RPTOR: variants seen among roughly 807,000 people sequenced by gnomAD.
The protein encoded by RPTOR is regulatory associated protein of MTOR complex 1, also known as regulatory-associated protein of mTOR.
Under a neutral mutation model 169.9 loss-of-function variants are expected in RPTOR, and 21 were observed. That is an observed-to-expected ratio of 0.12 (90% CI 0.09 to 0.18). The LOEUF is 0.18. RPTOR is among the 10% of genes least tolerant of loss of function. The pLI is 1.00. For missense variants in RPTOR, 1,133 were observed against 1,855.9 expected, an observed-to-expected ratio of 0.61 and a Z score of 7.16; for synonymous variants, 732 against 753.2, an observed-to-expected ratio of 0.97 and a Z score of 0.46.
chr17:80,594,558 G>A (rs561416624), intron 1 of RPTOR, among the ~76,000 whole-genome samples: 1 of 152,302 alleles, frequency 6.6e-6, no homozygotes, highest in Non-Finnish European at 1.5e-5. Flanking sequence ...TGAACTGCAC[G>A]GAGCAACGCT....
chr17:80,621,974 C>T (rs747228711), intron 1 of RPTOR, among the ~76,000 whole-genome samples: 11 of 152,220 alleles, frequency 7.2e-5, no homozygotes, highest in Non-Finnish European at 1.2e-4. Context: ...GTCTCAGATT[C>T]GGCCCGTTAA....
At chr17:80,750,676 G>C (rs1450565501) in intron 5 of RPTOR, among the ~76,000 whole-genome samples, 1 of 152,180 alleles carries the variant, frequency 6.6e-6, no homozygotes, top group African/African-American at 2.4e-5. Context: ...AGCAGACCTG[G>C]AAACTAATTT....
Position 80,820,008 on chromosome 17 carries a change from G to T in RPTOR, c.891-2193G>T, listed in dbSNP as rs1159709087. ...GCCTCTCTTCCTGAGGCTTGGGGAC[G>T]GTCCTCTGCCCTCATAGTTTGACTA... On this transcript the variant is annotated intron_variant, in intron 7 of 33. Coordinates refer to ENST00000306801, the MANE Select transcript of RPTOR (RefSeq NM_020761.3). The surrounding 1 kb of genome is among the most constrained non-coding windows in gnomAD (Gnocchi z 4.1). Among the ~76,000 whole-genome samples, 2 of 152,142 alleles carry T rather than the reference G, an allele frequency of 1.3e-5. No individual in the cohort carries two copies. Among genetic ancestry groups the T allele is most frequent in the East Asian group, 3.9e-4 (2 of 5,180 alleles).
At chr17:80,938,357 C>CGAAAG (rs2068980333) in intron 24 of RPTOR, among the ~76,000 whole-genome samples, 3 of 152,240 alleles carry the variant, frequency 2.0e-5, no homozygotes, top group Non-Finnish European at 4.4e-5. Flanking sequence ...GTTCCTCTCC[C>CGAAAG]TTCCCACTCG....
At position 80,949,449 on chromosome 17, in the gene RPTOR, G is replaced by A; in HGVS notation, c.3272G>A (p.Gly1091Asp). ...TTCCTCTCTCCCTCCCCAGACGATG[G>A]TGCCATCAGGGTCTGGAAGAATTTT... ...CSLLLTATDD[G>D]AIRVWKNFAD... Residue 1091 changes from glycine to aspartate, a missense_variant, in exon 28 of 34, where the codon GGT becomes GAT. Gly to Asp is a moderately conservative substitution (Grantham distance 94). Around this residue, in one of 9 missense-constraint regions of RPTOR, gnomAD observed 410 missense variants for 623.7 expected, o/e 0.66. Transcript: ENST00000306801. The A allele has an allele frequency of 6.2e-7, 1 of 1,613,550 alleles. No individual in the cohort carries two copies. Among genetic ancestry groups the A allele is most frequent in the Non-Finnish European group, 8.5e-7 (1 of 1,179,488 alleles).
chr17:80,822,139 C>G (rs1015156620), intron 7 of RPTOR, 62 bp from the exon 8 acceptor site: 33 of 1,527,562 alleles, frequency 2.2e-5, no homozygotes, highest in African/African-American at 1.4e-5. Context: ...CTTGCAACCT[C>G]TCTTCCATTC....
intron 1 of RPTOR, among the ~76,000 whole-genome samples, chr17:80,598,219 G>A (rs1192983050): frequency 6.6e-6 from 1 of 152,136 alleles, no homozygotes; most frequent in East Asian, 1.9e-4. Context: ...CCCAAAGCAT[G>A]ATGGGAATTC....
Position 80,820,970 on chromosome 17 carries a change from G to C in RPTOR, c.891-1231G>C, listed in dbSNP as rs762144138. ...TTGGAAATCTTTGTTTGAGACTTCCGGCATTGTTTGAGCAGCAGTGCTGCT... is the reference window on the plus strand; with the variant it reads ...TTGGAAATCTTTGTTTGAGACTTCCCGCATTGTTTGAGCAGCAGTGCTGCT... On this transcript the variant is annotated intron_variant, in intron 7 of 33. Transcript: ENST00000306801. This position sits in a 1 kb window ranked among gnomAD's most constrained non-coding sequence, Gnocchi z 4.1. 1.3e-5 allele frequency among the ~76,000 whole-genome samples: 2 copies of C among 152,200 alleles called. No homozygotes were observed. Among genetic ancestry groups the C allele is most frequent in the Non-Finnish European group, 1.5e-5 (1 of 68,034 alleles).
rs2067707504 is a variant in RPTOR, at chr17:80,844,748, G to A, written c.1213-1725G>A. On this transcript the variant is annotated intron_variant, in intron 10 of 33. Transcript: ENST00000306801. The surrounding 1 kb of genome is among the most constrained non-coding windows in gnomAD (Gnocchi z 4.7). ...CTGCCGAGAGCGCTCCTGGACTTGG[G>A]CGCACGGAGGCACCCTGTCCTGCTC... is the stretch of plus-strand genomic sequence containing the variant. Among the ~76,000 whole-genome samples, 1 of 152,176 alleles carries A rather than the reference G, an allele frequency of 6.6e-6. No individual in the cohort carries two copies. Among genetic ancestry groups the A allele is most frequent in the South Asian group, 2.1e-4 (1 of 4,834 alleles).
chr17:80,703,388 G>T (rs2066117498), intron 3 of RPTOR, among the ~76,000 whole-genome samples: 1 of 152,248 alleles, frequency 6.6e-6, no homozygotes, highest in South Asian at 2.1e-4. Flanking sequence ...ATGAAAAGAG[G>T]CTGGCAGGCG....
At position 80,893,481 on chromosome 17, in the gene RPTOR, C is replaced by T. The variant is rs2068358187; in HGVS notation, c.2243-226C>T. 1.6e-4 allele frequency among the ~76,000 whole-genome samples: 12 copies of T among 76,536 alleles called. 1 individual carries two copies. The South Asian group carries it at 8.4e-3, about 53-fold the overall frequency. 50.2% of individuals were successfully genotyped at this position (76,536 alleles called of 152,430 possible). A position where few individuals can be genotyped will look rare whatever the true frequency, so the allele number is the denominator to read the frequency against. ...CGCGCCAGGTTGTGTCTGTACGCGCCAGGGTGTGTGCGCCAGGGTGTGTGT... is the reference window on the plus strand; with the variant it reads ...CGCGCCAGGTTGTGTCTGTACGCGCTAGGGTGTGTGCGCCAGGGTGTGTGT... On this transcript the variant is annotated intron_variant, in intron 19 of 33. Transcript: ENST00000306801.
intron 6 of RPTOR, among the ~76,000 whole-genome samples, chr17:80,772,316 C>A (rs144701029): frequency 2.6e-5 from 4 of 152,308 alleles, no homozygotes; most frequent in African/African-American, 9.6e-5. Context: ...TTTCAGAAGA[C>A]CTCGATGTTT....
rs138991845 is a variant in RPTOR at position 80,807,745 on chromosome 17, T to C, written c.891-14456T>C. 2.8e-3 allele frequency among the ~76,000 whole-genome samples: 429 copies of C among 152,312 alleles called. 3 individuals are homozygous for C. The highest frequency in any genetic ancestry group is 5.8e-3 in the Admixed American group (88 of 15,292). ...TTATTACACCTTTCTTCTCTTCTGTTGGCTTGTTAATTTTATATTCTTTAC... is the reference window on the plus strand; with the variant it reads ...TTATTACACCTTTCTTCTCTTCTGTCGGCTTGTTAATTTTATATTCTTTAC... On this transcript the variant is annotated intron_variant, in intron 7 of 33. Transcript: ENST00000306801.
At chr17:80,894,063 G>A (rs1347401053) in intron 20 of RPTOR, among the ~76,000 whole-genome samples, 198 bp downstream of exon 20, 2 of 152,232 alleles carry the variant, frequency 1.3e-5, no homozygotes, top group African/African-American at 2.4e-5. Flanking sequence ...TCACTGTTGT[G>A]TTGGGGTAGT....
intron 7 of RPTOR, among the ~76,000 whole-genome samples, chr17:80,797,953 G>A (rs879309224): frequency 6.6e-6 from 1 of 152,208 alleles, no homozygotes; most frequent in Non-Finnish European, 1.5e-5. Flanking sequence ...GAGACAAACA[G>A]ATCATCATCA....
chr17:80,846,430 G>C, intron 10 of RPTOR, 43 bp from the exon 11 acceptor site: 2 of 1,576,682 alleles, frequency 1.3e-6, no homozygotes, highest in South Asian at 2.2e-5. Flanking sequence ...CAGGCCATCT[G>C]GGAACATGGC....
At position 80,646,431 on chromosome 17, in the gene RPTOR, G is replaced by A. The variant is rs1030131917; in HGVS notation, c.348+2621G>A. Among the ~76,000 whole-genome samples, 15 of 152,146 alleles carry A rather than the reference G, an allele frequency of 9.9e-5. No individual in the cohort carries two copies. Among genetic ancestry groups the A allele is most frequent in the South Asian group, 6.2e-4 (3 of 4,820 alleles). ...GGCACACTGCTCCTCACAGCTTTCC[G>A]TGGGTTACAGGACAGAGGGAGGGAG... On this transcript the variant is annotated intron_variant, in intron 3 of 33. Coordinates refer to ENST00000306801, the MANE Select transcript of RPTOR (RefSeq NM_020761.3). This position sits in a 1 kb window ranked among gnomAD's most constrained non-coding sequence, Gnocchi z 5.0.
At chr17:80,793,553 G>A (rs1206709561) in intron 7 of RPTOR, among the ~76,000 whole-genome samples, 8 of 152,082 alleles carry the variant, frequency 5.3e-5, no homozygotes, top group Non-Finnish European at 7.4e-5. Context: ...CCTTACCCAC[G>A]CCTCCATCTC....
intron 21 of RPTOR, among the ~76,000 whole-genome samples, chr17:80,910,687 G>A (rs977201856): frequency 1.3e-5 from 2 of 152,184 alleles, no homozygotes; most frequent in African/African-American, 4.8e-5. Context: ...GGTCCTGGCC[G>A]GCCATCGAGC....
Sources: gnomAD v4.1 joint callset for allele counts (sites outside exome capture counted in the v4.1 genomes callset) on GRCh38, gnomAD v4.1.1 for gene constraint, gnomAD v4.1.1 regional missense constraint, Gnocchi (gnomAD v3.1) non-coding constraint, MANE v1.5 for transcripts, NCBI Gene and HGNC (gene_info 2026-07-23, HGNC 2026-07-21) for gene names.